FAM222B: variants seen among roughly 807,000 people sequenced by gnomAD.
FAM222B encodes family with sequence similarity 222 member B.
A neutral mutation model predicts 38.0 loss-of-function variants in FAM222B; 12 were observed. That is an observed-to-expected ratio of 0.32 (90% confidence interval 0.20 to 0.51). The LOEUF (loss-of-function observed/expected upper bound fraction) is 0.51, where lower values mean the gene tolerates loss of function less well. Ranked by LOEUF, FAM222B falls within the 20% of genes least tolerant of loss-of-function variation. FAM222B has a pLI of 0.97. For missense variants in FAM222B, 716 were observed against 754.2 expected (o/e 0.95, Z 0.59); for synonymous variants, 329 against 317.2 (o/e 1.04, Z -0.40).
intron 1 of FAM222B, among the ~76,000 whole-genome samples, chr17:28,791,927 T>G (rs2036709404): frequency 6.6e-6 from 1 of 151,020 alleles, no homozygotes; most frequent in African/African-American, 2.4e-5. Context: ...CCCAAAGTGC[T>G]GGGATTAAAG....
intron 1 of FAM222B, among the ~76,000 whole-genome samples, chr17:28,790,009 T>G (rs537454510): frequency 5.9e-5 from 9 of 152,204 alleles, no homozygotes; most frequent in African/African-American, 9.6e-5. Context: ...TTGGGGAGTA[T>G]TTATCTGTCA....
At chr17:28,824,329 C>T (rs993234971) in intron 1 of FAM222B, among the ~76,000 whole-genome samples, 4 of 151,618 alleles carry the variant, frequency 2.6e-5, no homozygotes, top group Admixed American at 1.3e-4. Flanking sequence ...GGACCACAGG[C>T]ATGTACTACC....
intron 1 of FAM222B, among the ~76,000 whole-genome samples, chr17:28,832,768 C>T (rs980828826): frequency 2.0e-5 from 3 of 151,942 alleles, no homozygotes; most frequent in Non-Finnish European, 4.4e-5. Flanking sequence ...TTTTGAATGA[C>T]CAATTGCTTT....
intron 1 of FAM222B, among the ~76,000 whole-genome samples, chr17:28,838,664 T>C (rs926917570): frequency 1.3e-5 from 2 of 152,102 alleles, no homozygotes; most frequent in Non-Finnish European, 2.9e-5. Context: ...CCCAGCACTT[T>C]GGGAGGCCGA....
intron 1 of FAM222B, among the ~76,000 whole-genome samples, chr17:28,774,971 T>C (rs1000622622): frequency 6.9e-6 from 1 of 145,628 alleles, no homozygotes; most frequent in East Asian, 2.0e-4. Flanking sequence ...AATAAATAAA[T>C]AAATAAAACA....
intron 1 of FAM222B, among the ~76,000 whole-genome samples, chr17:28,783,658 C>T (rs1331524366): frequency 2.0e-5 from 3 of 152,054 alleles, no homozygotes; most frequent in Non-Finnish European, 4.4e-5. Flanking sequence ...TACAGGCACG[C>T]ACCAGTGCAT....
At chr17:28,847,126 G>A (rs2039150468), upstream of FAM222B, among the ~76,000 whole-genome samples, 1 of 151,742 alleles carries the variant, frequency 6.6e-6, no homozygotes, top group African/African-American at 2.4e-5. Context: ...GGGAGGCTGA[G>A]GCAGGAAAAT....
Position 28,758,654 on chromosome 17 carries a change from G to A in FAM222B, c.1305C>T (p.Val435=). 2 of 1,610,298 alleles carry A rather than the reference G, an allele frequency of 1.2e-6. No homozygotes were observed. The highest frequency in any genetic ancestry group is 1.7e-6 in the Non-Finnish European group (2 of 1,178,164). ...AGGCCAATGGGGCTGCCATGCCGTT[G>A]ACTGGTGGGGATGGGGTCGGCTTTT... is the stretch of plus-strand genomic sequence containing the variant. ...PLEKPTPSPP[V]NGMAAPLAYP... is the part of the protein sequence containing the mutation. Residue 435 remains valine, a synonymous_variant, in exon 3 of 3, where the codon GTC becomes GTT. Coordinates refer to ENST00000581407, the MANE Select transcript of FAM222B (RefSeq NM_001077498.3).
At chr17:28,809,294 T>G (rs146326887) in intron 1 of FAM222B, among the ~76,000 whole-genome samples, 1 of 143,364 alleles carries the variant, frequency 7.0e-6, no homozygotes, top group East Asian at 2.0e-4. Context: ...GAGGCTGCAG[T>G]GAGCAGAGAG....
chr17:28,828,502 T>A (rs1157580776), intron 1 of FAM222B, among the ~76,000 whole-genome samples: 2 of 151,152 alleles, frequency 1.3e-5, no homozygotes, highest in African/African-American at 4.9e-5. Flanking sequence ...CCCAAAGGCA[T>A]AGGTTGCAGT....
chr17:28,784,629 G>A (rs2036318875), intron 1 of FAM222B, among the ~76,000 whole-genome samples: 1 of 150,412 alleles, frequency 6.6e-6, no homozygotes, highest in Non-Finnish European at 1.5e-5. Flanking sequence ...AGGAGATCGA[G>A]ACCATCCTGG....
chr17:28,798,355 C>T (rs998544236), intron 1 of FAM222B, among the ~76,000 whole-genome samples: 3 of 151,980 alleles, frequency 2.0e-5, no homozygotes, highest in African/African-American at 7.3e-5. Flanking sequence ...GCACTCCAGC[C>T]CGGGCAAACA....
At chr17:28,809,131 A>C (rs2037624124) in intron 1 of FAM222B, among the ~76,000 whole-genome samples, 1 of 152,152 alleles carries the variant, frequency 6.6e-6, no homozygotes, top group South Asian at 2.1e-4. Context: ...AGGCAGGTGG[A>C]CCATCTGAGG....
intron 1 of FAM222B, among the ~76,000 whole-genome samples, chr17:28,778,984 A>G (rs989428591): frequency 2.2e-4 from 34 of 151,860 alleles, no homozygotes; most frequent in African/African-American, 8.2e-4. Flanking sequence ...AATCACATTC[A>G]TAATTCTAAG....
Position 28,759,248 on chromosome 17 carries a change from A to C in FAM222B, c.711T>G (p.Asp237Glu). 6.2e-7 allele frequency: 1 copy of C among 1,613,598 alleles called. No individual in the cohort carries two copies. Among genetic ancestry groups the C allele is most frequent in the East Asian group, 2.2e-5 (1 of 44,862 alleles). ...LHGGRKMPDS[D>E]APPNVTVSTS... is the part of the protein sequence containing the mutation. The stretch of plus-strand genomic sequence containing the variant: ...TAGACACGGTCACATTCGGGGGGGC[A>C]TCTGAGTCTGGCATCTTCCGGCCTC... The change falls in exon 3 of 3, where the codon GAT becomes GAG. Residue 237 changes from aspartate to glutamate, a missense_variant. Coordinates refer to ENST00000581407, the MANE Select transcript of FAM222B (RefSeq NM_001077498.3). This position sits in a 1 kb window ranked among gnomAD's most constrained non-coding sequence, Gnocchi z 4.8.
At chr17:28,830,448 C>A (rs2038627006) in intron 1 of FAM222B, among the ~76,000 whole-genome samples, 1 of 152,094 alleles carries the variant, frequency 6.6e-6, no homozygotes, top group South Asian at 2.1e-4. Flanking sequence ...GTGTGAGCCA[C>A]CACACCCGGC....
intron 1 of FAM222B, among the ~76,000 whole-genome samples, chr17:28,789,344 C>A (rs530045091): frequency 1.3e-3 from 198 of 151,794 alleles, no homozygotes; most frequent in South Asian, 3.5e-3. Flanking sequence ...ATTACAGGCA[C>A]CCACCACCAT....
intron 1 of FAM222B, among the ~76,000 whole-genome samples, chr17:28,829,468 G>A (rs1413579049): frequency 6.6e-6 from 1 of 151,826 alleles, no homozygotes; most frequent in Non-Finnish European, 1.5e-5. Flanking sequence ...CACTGCGCCC[G>A]GCCCACTGTC....
intron 1 of FAM222B, among the ~76,000 whole-genome samples, chr17:28,823,359 TC>T (rs143440709): frequency 6.9e-6 from 1 of 145,324 alleles, no homozygotes; most frequent in Non-Finnish European, 1.5e-5. Context: ...ACCACTCCGT[TC>T]TATTTTTTTT....
Sources: allele counts gnomAD v4.1 joint callset (sites outside exome capture counted in the v4.1 genomes callset), GRCh38; gene constraint gnomAD v4.1.1; non-coding constraint Gnocchi (gnomAD v3.1); transcripts MANE v1.5; gene names NCBI Gene and HGNC (gene_info 2026-07-23, HGNC 2026-07-21).